Variants in NR5A2 observed in about 807,000 individuals in gnomAD.
NR5A2 encodes the protein CYP7A promoter-binding factor.
Under a neutral mutation model 62.7 loss-of-function variants are expected in NR5A2, and 26 were observed. The ratio of observed to expected loss-of-function variants is 0.41; its 90% CI spans 0.30 to 0.58. The LOEUF (loss-of-function observed/expected upper bound fraction) is 0.58, where lower values mean the gene tolerates loss of function less well. Among genes scored for constraint, NR5A2 ranks in the 20% least tolerant of loss-of-function variants. The pLI, the probability that NR5A2 is intolerant of heterozygous loss-of-function variation, is 0.22. For missense variants in NR5A2, 541 were observed against 669.1 expected, an observed-to-expected ratio of 0.81 and a Z score of 2.11; for synonymous variants, 246 against 241.7, an observed-to-expected ratio of 1.02 and a Z score of -0.16.
At chr1:200,166,467 T>C (rs1018659787) in intron 7 of NR5A2, among the ~76,000 whole-genome samples, 1 of 152,194 alleles carries the variant, frequency 6.6e-6, no homozygotes, top group Non-Finnish European at 1.5e-5. Flanking sequence ...AATTTAAATG[T>C]CAAATGTATA....
At chr1:200,120,527 T>G (rs1666433303) in intron 6 of NR5A2, among the ~76,000 whole-genome samples, 2 of 152,176 alleles carry the variant, frequency 1.3e-5, no homozygotes, top group Non-Finnish European at 2.9e-5. Context: ...GGAATGTGCC[T>G]CAAACTACTT....
At chr1:200,130,431 G>T (rs959438539) in intron 7 of NR5A2, among the ~76,000 whole-genome samples, 2 of 152,164 alleles carry the variant, frequency 1.3e-5, no homozygotes, top group Non-Finnish European at 2.9e-5. Flanking sequence ...ACAGTACCAG[G>T]TGTACCATTT....
chr1:200,125,658 T>C (rs2821335), intron 7 of NR5A2, among the ~76,000 whole-genome samples: 134,934 of 152,038 alleles, frequency 0.89, 59,903 homozygotes, highest in East Asian at 0.97. Context: ...TGTCTAGTCA[T>C]GATTTCTTTA....
In NR5A2 at chr1:200,161,584, A is replaced by G. The variant is rs576978767; in HGVS notation, c.1379-12379A>G. Among the ~76,000 whole-genome samples, 50 of 152,218 alleles carry G rather than the reference A, an allele frequency of 3.3e-4. 1 individual carries two copies. Among genetic ancestry groups the G allele is most frequent in the Non-Finnish European group, 6.0e-4 (41 of 68,042 alleles). ...AAAATACTCAGATTACCACTTCACA[A>G]CATCAAACATATCAAATGGTTTTCC... On this transcript the variant is annotated intron_variant, in intron 7 of 7. Coordinates refer to ENST00000367362, the MANE Select transcript of NR5A2 (RefSeq NM_205860.3).
At chr1:200,168,004 A>G (rs1336451185) in intron 7 of NR5A2, among the ~76,000 whole-genome samples, 1 of 152,074 alleles carries the variant, frequency 6.6e-6, no homozygotes, top group Non-Finnish European at 1.5e-5. Flanking sequence ...TTTTATTTCC[A>G]TATCTCCAAC....
At chr1:200,139,562 T>C (rs2102342383) in intron 7 of NR5A2, among the ~76,000 whole-genome samples, 1 of 152,356 alleles carries the variant, frequency 6.6e-6, no homozygotes, top group Middle Eastern at 3.4e-3. Flanking sequence ...TATTTTTTCT[T>C]TGCCTTTTAT....
At chr1:200,092,045 GT>G (rs1664843107) in intron 5 of NR5A2, among the ~76,000 whole-genome samples, 1 of 152,220 alleles carries the variant, frequency 6.6e-6, no homozygotes, top group Admixed American at 6.5e-5. Context: ...TGAACTCTAA[GT>G]GTGTTCAAGT....
In NR5A2 at chr1:200,050,193, C is replaced by T. The variant is rs554670715; in HGVS notation, c.1110+1375C>T. 2.0e-5 allele frequency among the ~76,000 whole-genome samples: 3 copies of T among 152,284 alleles called. No homozygotes were observed. In the South Asian group the frequency reaches 6.2e-4, roughly 32 times the overall value. On this transcript the variant is annotated intron_variant, in intron 5 of 7. Coordinates refer to ENST00000367362, the MANE Select transcript of NR5A2 (RefSeq NM_205860.3). ...ACTCTATGATAATCAGAACATTTTTCATGAAAAAACAAACCATGCAAACAC... is the reference window on the plus strand; with the variant it reads ...ACTCTATGATAATCAGAACATTTTTTATGAAAAAACAAACCATGCAAACAC...
chr1:200,175,445 C>T lies in NR5A2; in HGVS notation c.*1235C>T, dbSNP rs1367890410. 1 of 152,624 alleles carries T rather than the reference C, an allele frequency of 6.6e-6. No homozygotes were observed. Among genetic ancestry groups the T allele is most frequent in the Non-Finnish European group, 1.5e-5 (1 of 68,030 alleles). The allele number at this position is 152,624 out of a possible 1,614,324, so 9.5% of individuals were successfully genotyped here. ...TCATAGACCAAAGTCTGCTGTAGAA[C>T]AAATATGGGAGGACAAAGAATCGCA... On this transcript the variant is annotated 3_prime_UTR_variant, in exon 8 of 8. Coordinates refer to ENST00000367362, the MANE Select transcript of NR5A2 (RefSeq NM_205860.3).
chr1:200,081,553 A>T (rs1664292848), intron 5 of NR5A2, among the ~76,000 whole-genome samples: 1 of 152,264 alleles, frequency 6.6e-6, no homozygotes, highest in Admixed American at 6.5e-5. Context: ...GATCCATAGG[A>T]AGCCAAATAC....
At chr1:200,071,286 A>G (rs1663727387) in intron 5 of NR5A2, among the ~76,000 whole-genome samples, 1 of 152,178 alleles carries the variant, frequency 6.6e-6, no homozygotes, top group Non-Finnish European at 1.5e-5. Flanking sequence ...GTCTCATTTC[A>G]CCTTAGGAGG....
intron 5 of NR5A2, among the ~76,000 whole-genome samples, chr1:200,083,082 A>G (rs1454176384): frequency 6.8e-6 from 1 of 147,304 alleles, no homozygotes; most frequent in African/African-American, 2.4e-5. Flanking sequence ...TTCAGAACTC[A>G]TATTTCTAAT....
chr1:200,051,832 G>A (rs1225947648), intron 5 of NR5A2, among the ~76,000 whole-genome samples: 2 of 152,106 alleles, frequency 1.3e-5, no homozygotes, highest in African/African-American at 2.4e-5. Context: ...CATCTCTAGG[G>A]CTGTGGCTTT....
At position 200,172,280 on chromosome 1, in the gene NR5A2, T is replaced by C. The variant is rs1017595458; in HGVS notation, c.1379-1683T>C. ...ATGACTCTGGATACATAGCCATACTTATAAATATTTTTAAGTAACTTAAAA... is the reference window on the plus strand; with the variant it reads ...ATGACTCTGGATACATAGCCATACTCATAAATATTTTTAAGTAACTTAAAA... On this transcript the variant is annotated intron_variant, in intron 7 of 7. Coordinates refer to ENST00000367362, the MANE Select transcript of NR5A2 (RefSeq NM_205860.3). 3.9e-5 allele frequency among the ~76,000 whole-genome samples: 6 copies of C among 152,234 alleles called. No homozygotes were observed. The East Asian group carries it at 5.8e-4, about 15-fold the overall frequency.
chr1:200,106,644 T>A (rs1394147015), intron 5 of NR5A2, among the ~76,000 whole-genome samples: 3 of 152,204 alleles, frequency 2.0e-5, no homozygotes, highest in Admixed American at 6.5e-5. Context: ...CAGAACTGCC[T>A]AGATGCCACT....
intron 7 of NR5A2, among the ~76,000 whole-genome samples, chr1:200,155,703 TCA>T (rs1475948878): frequency 2.0e-5 from 3 of 151,720 alleles, no homozygotes; most frequent in African/African-American, 7.3e-5. Flanking sequence ...TTGGACAGTC[TCA>T]CTCTGTCACC....
chr1:200,114,138 G>A (rs532446832), intron 6 of NR5A2, among the ~76,000 whole-genome samples: 8 of 152,046 alleles, frequency 5.3e-5, no homozygotes, highest in South Asian at 4.2e-4. Context: ...AGCCAAGATC[G>A]TGCCACTGCA....
chr1:200,069,712 T>C (rs1357040795), intron 5 of NR5A2, among the ~76,000 whole-genome samples: 2 of 152,226 alleles, frequency 1.3e-5, no homozygotes, highest in Non-Finnish European at 2.9e-5. Flanking sequence ...ATTTTTCTAT[T>C]CGTAAAAGGA....
chr1:200,110,640 G>A (rs1311162119), intron 5 of NR5A2, among the ~76,000 whole-genome samples: 1 of 152,182 alleles, frequency 6.6e-6, no homozygotes. Flanking sequence ...GTTCTCTTCA[G>A]TCCAGCACAA....
Sources: gnomAD v4.1 joint callset for allele counts (sites outside exome capture counted in the v4.1 genomes callset) on GRCh38, gnomAD v4.1.1 for gene constraint, MANE v1.5 for transcripts, NCBI Gene and HGNC (gene_info 2026-07-23, HGNC 2026-07-21) for gene names.